IQCM: variants seen among roughly 807,000 people sequenced by gnomAD.
IQCM encodes the protein IQ motif containing M.
In IQCM, 45 loss-of-function variants were observed where a neutral mutation model predicts 57.6. That is an observed-to-expected ratio of 0.78 (90% CI 0.62 to 1.00). IQCM has a LOEUF of 1.00. Among genes scored for constraint, IQCM ranks in the 50% least tolerant of loss-of-function variants. IQCM has a pLI of 0.00. For missense variants in IQCM, 468 were observed against 511.6 expected (o/e 0.91, Z 0.82); for synonymous variants, 148 against 158.9 (o/e 0.93, Z 0.51).
At chr4:149,602,539 C>T (rs1754408605) in intron 8 of IQCM, among the ~76,000 whole-genome samples, 1 of 152,086 alleles carries the variant, frequency 6.6e-6, no homozygotes, top group Non-Finnish European at 1.5e-5. Flanking sequence ...TTACAAACAT[C>T]TAATATACCA....
chr4:149,759,660 CA>C (rs1769312893), intron 2 of IQCM, among the ~76,000 whole-genome samples: 1 of 151,992 alleles, frequency 6.6e-6, no homozygotes, highest in South Asian at 2.1e-4. Context: ...AATTAAATAT[CA>C]TTTTTTTAAA....
At chr4:149,543,579 G>A (rs1453832672) in intron 12 of IQCM, among the ~76,000 whole-genome samples, 3 of 122,772 alleles carry the variant, frequency 2.4e-5, no homozygotes, top group Non-Finnish European at 4.9e-5. Flanking sequence ...TGGTGTATAT[G>A]TGTGGGGTGG....
chr4:149,737,501 T>G (rs1235431301), intron 3 of IQCM: 1 of 152,194 alleles, frequency 6.6e-6, no homozygotes, highest in Non-Finnish European at 1.5e-5. Flanking sequence ...GTTTGCTGTG[T>G]GTTTGAAAAT....
intron 12 of IQCM, among the ~76,000 whole-genome samples, chr4:149,464,674 C>T (rs1738658497): frequency 6.6e-6 from 1 of 152,078 alleles, no homozygotes; most frequent in Non-Finnish European, 1.5e-5. Flanking sequence ...AGGGGATCTA[C>T]ATTATCCCTA....
At chr4:149,386,723 G>A (rs954636356) in intron 13 of IQCM, among the ~76,000 whole-genome samples, 1 of 151,032 alleles carries the variant, frequency 6.6e-6, no homozygotes, top group Non-Finnish European at 1.5e-5. Context: ...CCTTTGTCAG[G>A]TTTTTTTTTA....
rs376249972 is a variant in IQCM, at chr4:149,382,584, A to ATT, written c.1391-30520_1391-30519dup. On this transcript the variant is annotated intron_variant, in intron 13 of 13. Coordinates refer to ENST00000636793, the MANE Select transcript of IQCM (RefSeq NM_001363507.2). ...AGCAGAATAAGTACTTTCCCTGGGC[A>ATT]TTTTTTTTTTCCTGCAGAACTTAGA... 2.7e-5 allele frequency among the ~76,000 whole-genome samples: 4 copies of ATT among 148,068 alleles called. No individual in the cohort carries two copies. The South Asian group carries it at 8.6e-4, about 32-fold the overall frequency.
chr4:149,356,882 G>T (rs1296793099), intron 13 of IQCM, among the ~76,000 whole-genome samples: 1 of 152,142 alleles, frequency 6.6e-6, no homozygotes, highest in East Asian at 1.9e-4. Flanking sequence ...CATGAGCATG[G>T]AATGTTCTTC....
At chr4:149,786,679 A>G (rs575231485) in intron 2 of IQCM, among the ~76,000 whole-genome samples, 1 of 152,186 alleles carries the variant, frequency 6.6e-6, no homozygotes, top group Non-Finnish European at 1.5e-5. Flanking sequence ...CTCAGGAAAC[A>G]ATAGATGCTG....
chr4:149,799,823 G>A (rs1019036154), intron 2 of IQCM, among the ~76,000 whole-genome samples: 2 of 150,776 alleles, frequency 1.3e-5, no homozygotes, highest in African/African-American at 4.9e-5. Context: ...TAACAAGGTT[G>A]AAGCTGTAAT....
chr4:149,636,022 G>A lies in IQCM; in HGVS notation c.566-14778C>T, dbSNP rs1244728547. Among the ~76,000 whole-genome samples the A allele has an allele frequency of 5.3e-5, 8 of 152,174 alleles. No homozygotes were observed. In the South Asian group the frequency reaches 8.3e-4, roughly 16 times the overall value. On this transcript the variant is annotated intron_variant, in intron 7 of 13. Coordinates refer to ENST00000636793, the MANE Select transcript of IQCM (RefSeq NM_001363507.2). ...ATATCATTTAAAAATCTTAAAACAC[G>A]TAGAGTTCTATGTTTACTTTAGACA...
At chr4:149,647,820 G>A (rs1758782575) in intron 7 of IQCM, among the ~76,000 whole-genome samples, 1 of 152,168 alleles carries the variant, frequency 6.6e-6, no homozygotes, top group East Asian at 1.9e-4. Context: ...TGTCCCTACA[G>A]ATGTGGCCTT....
intron 3 of IQCM, among the ~76,000 whole-genome samples, chr4:149,738,878 T>C (rs1220077495): frequency 6.6e-6 from 1 of 152,206 alleles, no homozygotes; most frequent in Non-Finnish European, 1.5e-5. Context: ...CATACCTCAA[T>C]GCCTTAGAAA....
Position 149,409,182 on chromosome 4 carries a change from A to G in IQCM, c.1390+24214T>C, listed in dbSNP as rs145923810. 2.6e-5 allele frequency among the ~76,000 whole-genome samples: 4 copies of G among 152,298 alleles called. No individual in the cohort carries two copies. In the East Asian group the frequency reaches 7.7e-4, roughly 29 times the overall value. On this transcript the variant is annotated intron_variant, in intron 13 of 13. Transcript: ENST00000636793. ...TGAGTGAGAAGCCAGATCAGAAAAT[A>G]TTTACTGAAGATGCACAAAAGGTCA...
intron 13 of IQCM, among the ~76,000 whole-genome samples, chr4:149,420,832 C>T (rs1267145603): frequency 6.6e-6 from 1 of 151,926 alleles, no homozygotes; most frequent in Non-Finnish European, 1.5e-5. Flanking sequence ...TTGACTTTTG[C>T]CTATACCTAT....
chr4:149,542,636 C>T (rs1332552644), intron 12 of IQCM, among the ~76,000 whole-genome samples: 2 of 151,882 alleles, frequency 1.3e-5, no homozygotes, highest in African/African-American at 4.8e-5. Flanking sequence ...TGGGTAGAAA[C>T]CAACTGATGA....
chr4:149,453,288 G>A (rs543780573), intron 12 of IQCM, among the ~76,000 whole-genome samples: 4 of 151,554 alleles, frequency 2.6e-5, no homozygotes, highest in African/African-American at 7.3e-5. Context: ...CATAACCTTG[G>A]GTTAGGCAAT....
chr4:149,462,901 C>G (rs979642301), intron 12 of IQCM, among the ~76,000 whole-genome samples: 3 of 152,110 alleles, frequency 2.0e-5, no homozygotes, highest in African/African-American at 7.2e-5. Context: ...AATGATTAGG[C>G]AATGAACAGC....
At chr4:149,653,036 G>C (rs1369858533) in intron 7 of IQCM, among the ~76,000 whole-genome samples, 1 of 152,092 alleles carries the variant, frequency 6.6e-6, no homozygotes, top group East Asian at 1.9e-4. Context: ...GAAAAATGTT[G>C]ACAAAATATT....
chr4:149,760,490 G>T (rs1330705098), intron 2 of IQCM, among the ~76,000 whole-genome samples: 1 of 152,076 alleles, frequency 6.6e-6, no homozygotes, highest in Non-Finnish European at 1.5e-5. Flanking sequence ...AATCAAGGTA[G>T]TCATTAAGAA....
Sources: allele counts gnomAD v4.1 joint callset (sites outside exome capture counted in the v4.1 genomes callset), GRCh38; gene constraint gnomAD v4.1.1; transcripts MANE v1.5; gene names NCBI Gene and HGNC (gene_info 2026-07-23, HGNC 2026-07-21).